The following EYA3 variants were observed in gnomAD, a reference collection of about 807,000 sequenced individuals.
EYA3 encodes the protein protein phosphatase EYA3.
Under a neutral mutation model 80.0 loss-of-function variants are expected in EYA3, and 39 were observed. The observed-to-expected ratio is 0.49, with a 90% confidence interval of 0.38 to 0.64. EYA3 has a LOEUF of 0.64. EYA3 is among the 30% of genes least tolerant of loss of function. The pLI, the probability that EYA3 is intolerant of heterozygous loss-of-function variation, is 0.00. For synonymous variants in EYA3, 206 were observed against 232.8 expected, an observed-to-expected ratio of 0.88 and a Z score of 1.05; for missense variants, 523 against 676.1, an observed-to-expected ratio of 0.77 and a Z score of 2.51.
chr1:27,978,317 A>G (rs527545344), intron 17 of EYA3, 57 bp downstream of exon 17: 3 of 1,291,068 alleles, frequency 2.3e-6, no homozygotes, highest in East Asian at 4.7e-5. Flanking sequence ...AGTTTTTCCC[A>G]TTTTTCTCAT....
chr1:28,005,559 A>T (rs1384816987), intron 10 of EYA3, among the ~76,000 whole-genome samples: 1 of 151,790 alleles, frequency 6.6e-6, no homozygotes, highest in Non-Finnish European at 1.5e-5. Context: ...ACAAAAAAAC[A>T]CAAAAATTAC....
intron 16 of EYA3, among the ~76,000 whole-genome samples, chr1:27,979,219 A>C (rs532962888): frequency 1.3e-5 from 2 of 152,304 alleles, no homozygotes; most frequent in African/African-American, 4.8e-5. Flanking sequence ...GTGAAAACAC[A>C]AGGCCCTGAT....
intron 11 of EYA3, among the ~76,000 whole-genome samples, chr1:28,003,848 T>A (rs1641074399): frequency 6.6e-6 from 1 of 151,732 alleles, no homozygotes. Context: ...ACTGAAGATA[T>A]AACAAGTTTT....
intron 1 of EYA3, among the ~76,000 whole-genome samples, chr1:28,070,554 T>TC (rs1245586002): frequency 6.6e-6 from 1 of 151,562 alleles, no homozygotes; most frequent in East Asian, 1.9e-4. Context: ...AGAGTGAGAC[T>TC]CCGTCTCAAA....
chr1:27,984,310 A>T (rs1251485473), intron 16 of EYA3, among the ~76,000 whole-genome samples: 1 of 152,194 alleles, frequency 6.6e-6, no homozygotes, highest in African/African-American at 2.4e-5. Flanking sequence ...CTGGAATTAA[A>T]GGCATGTGCC....
At chr1:28,087,673 T>C (rs550472035) in intron 1 of EYA3, among the ~76,000 whole-genome samples, 1 of 152,200 alleles carries the variant, frequency 6.6e-6, no homozygotes, top group Non-Finnish European at 1.5e-5. Flanking sequence ...TCCCAAAATA[T>C]TGGCGTTTTT....
chr1:28,001,396 G>C (rs908232622), intron 11 of EYA3, among the ~76,000 whole-genome samples: 6 of 151,280 alleles, frequency 4.0e-5, no homozygotes, highest in Non-Finnish European at 7.4e-5. Context: ...CTTAGTGTTT[G>C]TTTATAATGT....
chr1:28,014,424 A>G (rs11588461), intron 8 of EYA3, among the ~76,000 whole-genome samples: 18,423 of 129,920 alleles, frequency 0.14, 461 homozygotes, highest in East Asian at 0.18. Flanking sequence ...TCTCAAAAAA[A>G]AAAAAAAAAA....
intron 17 of EYA3, chr1:27,977,173 A>G (rs1039324614): frequency 3.4e-5 from 49 of 1,447,288 alleles, no homozygotes; most frequent in Non-Finnish European, 6.3e-6. Context: ...AACAAGAAGC[A>G]CTTTAGAATC....
Position 28,081,171 on chromosome 1 carries a change from C to T in EYA3, c.-69+7353G>A, listed in dbSNP as rs181950941. Among the ~76,000 whole-genome samples the T allele has an allele frequency of 7.2e-4, 110 of 152,122 alleles. 2 individuals are homozygous for T. The highest frequency in any genetic ancestry group is 5.8e-3 in the Admixed American group (89 of 15,262). ...TTTTTTTTGCACAGAATGTGAGGTA[C>T]CTACAGTAAATAAATACATACTAAC... On this transcript the variant is annotated intron_variant, in intron 1 of 17. Coordinates refer to ENST00000373871, the MANE Select transcript of EYA3 (RefSeq NM_001990.4).
chr1:28,047,671 C>T (rs1376913326), intron 3 of EYA3, among the ~76,000 whole-genome samples: 2 of 135,530 alleles, frequency 1.5e-5, no homozygotes, highest in African/African-American at 5.6e-5. Flanking sequence ...CAGAGTCTCG[C>T]TCTGTCGCCC....
chr1:28,029,977 G>A (rs1027463157), intron 6 of EYA3, among the ~76,000 whole-genome samples: 3 of 152,024 alleles, frequency 2.0e-5, no homozygotes, highest in Non-Finnish European at 2.9e-5. Flanking sequence ...TGATAATTAG[G>A]TCTAAGAAGG....
chr1:28,048,734 T>C (rs778590968), intron 2 of EYA3, among the ~76,000 whole-genome samples: 1 of 152,202 alleles, frequency 6.6e-6, no homozygotes, highest in African/African-American at 2.4e-5. Flanking sequence ...GTTGGTTTTA[T>C]ACTGTAACAG....
intron 13 of EYA3, among the ~76,000 whole-genome samples, chr1:27,995,048 CT>C (rs1640340475): frequency 6.6e-6 from 1 of 151,310 alleles, no homozygotes; most frequent in Non-Finnish European, 1.5e-5. Flanking sequence ...TATATTTTAC[CT>C]TGACAAAATA....
intron 16 of EYA3, among the ~76,000 whole-genome samples, chr1:27,983,937 G>C (rs527672379): frequency 1.3e-5 from 2 of 152,218 alleles, no homozygotes; most frequent in Non-Finnish European, 2.9e-5. Context: ...TTACAGGCAT[G>C]AGCCATTAAG....
chr1:28,070,371 C>T (rs143832447), intron 1 of EYA3, among the ~76,000 whole-genome samples: 15 of 152,096 alleles, frequency 9.9e-5, no homozygotes, highest in South Asian at 4.2e-4. Context: ...ACCAGCCTGG[C>T]CAACATGGTG....
intron 16 of EYA3, among the ~76,000 whole-genome samples, chr1:27,981,351 T>C (rs1443384877): frequency 1.3e-5 from 2 of 152,130 alleles, no homozygotes; most frequent in Admixed American, 6.6e-5. Flanking sequence ...AATGAGATCA[T>C]TTCCATTAGC....
Position 27,989,779 on chromosome 1 carries a change from G to A in EYA3, c.1336C>T (p.Gln446Ter). ...LLSPQRKEALQRLRAEIEVLT... is the reference protein window; with the variant it reads ...LLSPQRKEAL ...ACTTCAATTTCTGCTCTTAATCTCTGCAGTGCTTCCTTCCTCTGGGGACTG... is the reference window on the plus strand; with the variant it reads ...ACTTCAATTTCTGCTCTTAATCTCTACAGTGCTTCCTTCCTCTGGGGACTG... The change falls in exon 15 of 18, where the codon CAG becomes TAG. Residue 446 changes from glutamine (Q) to a stop codon, truncating the protein, a stop_gained. Transcript: ENST00000373871. LOFTEE classifies it high-confidence loss of function. The A allele has an allele frequency of 6.2e-7, 1 of 1,611,060 alleles. No individual in the cohort carries two copies. The highest frequency in any genetic ancestry group is 8.5e-7 in the Non-Finnish European group (1 of 1,178,416).
At chr1:28,008,696 C>T (rs1433712315) in intron 10 of EYA3, among the ~76,000 whole-genome samples, 2 of 152,270 alleles carry the variant, frequency 1.3e-5, no homozygotes, top group Non-Finnish European at 2.9e-5. Flanking sequence ...GTAATCCCAG[C>T]ACTTTGGGAG....
Sources: allele counts gnomAD v4.1 joint callset (sites outside exome capture counted in the v4.1 genomes callset), GRCh38; gene constraint gnomAD v4.1.1; transcripts MANE v1.5; gene names NCBI Gene and HGNC (gene_info 2026-07-23, HGNC 2026-07-21).